Variants in WARS2 observed in about 807,000 individuals in gnomAD.
The protein encoded by WARS2 is tryptophan--tRNA ligase, mitochondrial.
Under a neutral mutation model 36.5 loss-of-function variants are expected in WARS2, and 28 were observed. The observed-to-expected ratio is 0.77, with a 90% confidence interval of 0.57 to 1.05. The LOEUF (loss-of-function observed/expected upper bound fraction) is 1.05, where lower values mean the gene tolerates loss of function less well. Among genes scored for constraint, WARS2 ranks in the 50% least tolerant of loss-of-function variants. The pLI is 0.00. For synonymous variants in WARS2, 174 were observed against 178.4 expected (o/e 0.98, Z 0.20); for missense variants, 435 against 456.8 (o/e 0.95, Z 0.44).
rs1360831773 is a variant in WARS2, at chr1:119,082,239, A to C, written c.91-5632T>G. The C allele has an allele frequency of 3.1e-6, 3 of 982,782 alleles. No individual in the cohort carries two copies. In the African/African-American group the frequency reaches 5.2e-5, roughly 17 times the overall value. The allele number at this position is 982,782 out of a possible 1,614,324, so 60.9% of individuals were successfully genotyped here. On this transcript the variant is annotated intron_variant, in intron 1 of 5. Coordinates refer to ENST00000235521, the MANE Select transcript of WARS2 (RefSeq NM_015836.4). ...TAGTTCAGTAAAAGAGTTTAAAAGG[A>C]ATCAACTTAATTCTTAAAAATATTC... is the stretch of plus-strand genomic sequence containing the variant.
In WARS2 at chr1:119,067,989, G is replaced by A. The variant is rs555961037; in HGVS notation, c.348+8361C>T. Among the ~76,000 whole-genome samples the A allele has an allele frequency of 2.6e-5, 4 of 152,268 alleles. No homozygotes were observed. In the East Asian group the frequency reaches 7.7e-4, roughly 29 times the overall value. ...AAGTGGTATTATTGGAAACTGTGGA[G>A]AAGGAAATACATGCAGAGTTTGATG... On this transcript the variant is annotated intron_variant, in intron 2 of 5. Transcript: ENST00000235521.
At chr1:119,071,264 AT>A (rs1369962114) in intron 2 of WARS2, among the ~76,000 whole-genome samples, 1 of 152,232 alleles carries the variant, frequency 6.6e-6, no homozygotes, top group Non-Finnish European at 1.5e-5. Flanking sequence ...TAGTACAGCC[AT>A]TATGGAAAAC....
chr1:119,123,738 C>T (rs1655476121), intron 1 of WARS2, among the ~76,000 whole-genome samples: 2 of 152,170 alleles, frequency 1.3e-5, no homozygotes, highest in South Asian at 4.1e-4. Context: ...ATCATCCCAA[C>T]CTCTTAATGT....
intron 1 of WARS2, among the ~76,000 whole-genome samples, chr1:119,083,827 A>G (rs1652395821): frequency 6.6e-6 from 1 of 152,196 alleles, no homozygotes; most frequent in Admixed American, 6.5e-5. Context: ...AGTGCAAAAT[A>G]TTTTAATTCC....
chr1:119,139,782 C>T (rs1037650209), intron 1 of WARS2: 17 of 152,298 alleles, frequency 1.1e-4, no homozygotes, highest in Non-Finnish European at 1.5e-5. Flanking sequence ...AAGTGCTTGC[C>T]ACTGAGACTG....
In WARS2 at chr1:119,140,621, T is replaced by C; in HGVS notation, c.24A>G (p.Lys8=). The C allele has an allele frequency of 6.2e-7, 1 of 1,613,856 alleles. No homozygotes were observed. The highest frequency in any genetic ancestry group is 1.3e-5 in the African/African-American group (1 of 75,070). MALHSMR[K]ARERWSFIRA... The stretch of plus-strand genomic sequence containing the variant: ...GGATGAAGCTCCAGCGCTCACGCGC[T>C]TTCCGCATTGAGTGCAGCGCCATCT... The change falls in exon 1 of 6, where the codon AAA becomes AAG. Residue 8 remains lysine (K), a synonymous_variant. Transcript: ENST00000235521.
intron 2 of WARS2, among the ~76,000 whole-genome samples, chr1:119,061,626 T>C (rs971815846): frequency 1.3e-5 from 2 of 152,156 alleles, no homozygotes; most frequent in African/African-American, 2.4e-5. Context: ...TAATTCCTCA[T>C]AGTTATTTTT....
At position 119,120,733 on chromosome 1, in the gene WARS2, TAACA is replaced by T. The variant is rs587771913; in HGVS notation, c.90+19818_90+19821del. ...TCATACCAGGGATGCAGGGTTGGTT[TAACA>T]TACACAAGTAAATAAACGTAATGAT... On this transcript the variant is annotated intron_variant, in intron 1 of 5. Transcript: ENST00000235521. Among the ~76,000 whole-genome samples the T allele has an allele frequency of 7.2e-5, 11 of 152,158 alleles. No homozygotes were observed. In the South Asian group the frequency reaches 2.3e-3, roughly 32 times the overall value.
At chr1:119,044,794 C>T (rs866236435) in intron 3 of WARS2, among the ~76,000 whole-genome samples, 1 of 152,168 alleles carries the variant, frequency 6.6e-6, no homozygotes, top group South Asian at 2.1e-4. Flanking sequence ...CTCACAAAGG[C>T]CCTACCTCCT....
intron 1 of WARS2, among the ~76,000 whole-genome samples, chr1:119,131,556 G>A (rs942844031): frequency 4.1e-5 from 6 of 145,186 alleles, no homozygotes; most frequent in East Asian, 2.0e-4. Context: ...TCCGCCTCCC[G>A]GGTTCACATC....
At chr1:119,131,644 G>T (rs1656120423) in intron 1 of WARS2, among the ~76,000 whole-genome samples, 1 of 152,000 alleles carries the variant, frequency 6.6e-6, no homozygotes, top group Non-Finnish European at 1.5e-5. Flanking sequence ...TTTGTTTTTA[G>T]TAGAGATGAG....
chr1:119,041,615 A>T (rs969195263), intron 4 of WARS2, among the ~76,000 whole-genome samples: 3 of 152,234 alleles, frequency 2.0e-5, no homozygotes, highest in Non-Finnish European at 4.4e-5. Flanking sequence ...CACTAGCAAC[A>T]CTTCAGGTGC....
At position 119,038,977 on chromosome 1, in the gene WARS2, C is replaced by T. The variant is rs183907972; in HGVS notation, c.515+3287G>A. On this transcript the variant is annotated intron_variant, in intron 4 of 5. Transcript: ENST00000235521. ...GATTACAGGCGTGAGCCACTGTGCCCGTCAGTTTCCAGTCTTCTTATCCTC... is the reference window on the plus strand; with the variant it reads ...GATTACAGGCGTGAGCCACTGTGCCTGTCAGTTTCCAGTCTTCTTATCCTC... Among the ~76,000 whole-genome samples, 565 of 152,292 alleles carry T rather than the reference C, an allele frequency of 3.7e-3. 2 individuals are homozygous for T. Among genetic ancestry groups the T allele is most frequent in the African/African-American group, 0.013 (534 of 41,562 alleles).
chr1:119,041,006 T>C (rs1276736687), intron 4 of WARS2, among the ~76,000 whole-genome samples: 1 of 152,190 alleles, frequency 6.6e-6, no homozygotes, highest in Admixed American at 6.5e-5. Context: ...CAAATAAGCC[T>C]TGCAAGTTTT....
At chr1:119,094,217 G>C (rs1440434791) in intron 1 of WARS2, among the ~76,000 whole-genome samples, 1 of 152,020 alleles carries the variant, frequency 6.6e-6, no homozygotes, top group African/African-American at 2.4e-5. Flanking sequence ...TTTTCATTAT[G>C]CTGTAATCTC....
intron 1 of WARS2, among the ~76,000 whole-genome samples, chr1:119,115,319 A>C (rs968488619): frequency 6.6e-6 from 1 of 152,152 alleles, no homozygotes; most frequent in African/African-American, 2.4e-5. Flanking sequence ...CTATGATGGA[A>C]GCATCCTAGC....
intron 2 of WARS2, among the ~76,000 whole-genome samples, chr1:119,074,982 A>G (rs1651615368): frequency 1.3e-5 from 2 of 152,122 alleles, no homozygotes. Context: ...CAGACACTAG[A>G]GACTCCAAAA....
chr1:119,065,582 C>T (rs1246564894), intron 2 of WARS2, among the ~76,000 whole-genome samples: 1 of 149,142 alleles, frequency 6.7e-6, no homozygotes, highest in African/African-American at 2.5e-5. Context: ...TTGCAGTGAG[C>T]CAAGATCATG....
At chr1:119,065,307 T>C (rs183435562) in intron 2 of WARS2, among the ~76,000 whole-genome samples, 3 of 151,840 alleles carry the variant, frequency 2.0e-5, no homozygotes, top group Non-Finnish European at 4.4e-5. Context: ...ATTAATGAGG[T>C]CCACTCAAGA....
Sources: gnomAD v4.1 joint callset for allele counts (sites outside exome capture counted in the v4.1 genomes callset) on GRCh38, gnomAD v4.1.1 for gene constraint, MANE v1.5 for transcripts, NCBI Gene and HGNC (gene_info 2026-07-23, HGNC 2026-07-21) for gene names.